The following SLC25A21 variants were observed in gnomAD, a reference collection of about 807,000 sequenced individuals.
SLC25A21 encodes the protein solute carrier family 25 member 21.
A neutral mutation model predicts 43.8 loss-of-function variants in SLC25A21; 47 were observed. The ratio of observed to expected loss-of-function variants is 1.07; its 90% CI spans 0.85 to 1.37. The LOEUF (loss-of-function observed/expected upper bound fraction) is 1.37, where lower values mean the gene tolerates loss of function less well. Ranked by LOEUF, SLC25A21 falls within the 40% of genes most tolerant of loss-of-function variation. The pLI, the probability that SLC25A21 is intolerant of heterozygous loss-of-function variation, is 0.00. For synonymous variants in SLC25A21, 131 were observed against 121.3 expected (o/e 1.08, Z -0.52); for missense variants, 352 against 350.2 (o/e 1.00, Z -0.04).
At chr14:36,710,124 C>CCT (rs1300576137) in intron 7 of SLC25A21, among the ~76,000 whole-genome samples, 1 of 152,104 alleles carries the variant, frequency 6.6e-6, no homozygotes, top group Non-Finnish European at 1.5e-5. Flanking sequence ...GTGGCTCATG[C>CCT]CTGTAATCCT....
intron 1 of SLC25A21, among the ~76,000 whole-genome samples, chr14:37,078,766 G>T (rs1317240603): frequency 6.6e-6 from 1 of 152,010 alleles, no homozygotes; most frequent in Admixed American, 6.6e-5. Flanking sequence ...CTGCCTTTAT[G>T]GTTGCTTTGA....
At chr14:37,103,097 C>A (rs1173152316) in intron 1 of SLC25A21, among the ~76,000 whole-genome samples, 2 of 152,110 alleles carry the variant, frequency 1.3e-5, no homozygotes, top group Non-Finnish European at 2.9e-5. Flanking sequence ...GAAAGCTCTT[C>A]TAGGTAAAAC....
At chr14:36,684,017 C>G in intron 8 of SLC25A21, 137 bp from the exon 9 acceptor site, 4 of 556,134 alleles carry the variant, frequency 7.2e-6, no homozygotes, top group Non-Finnish European at 9.4e-6. Context: ...CAGACAGCAT[C>G]TTAGTATTCT....
chr14:36,764,197 A>G (rs980575032), intron 3 of SLC25A21, among the ~76,000 whole-genome samples: 2 of 150,136 alleles, frequency 1.3e-5, no homozygotes, highest in Non-Finnish European at 3.0e-5. Context: ...AGAAAGAGAA[A>G]GAAAGAAACT....
intron 1 of SLC25A21, among the ~76,000 whole-genome samples, chr14:36,977,468 A>G (rs1343034579): frequency 6.6e-6 from 1 of 152,154 alleles, no homozygotes; most frequent in Non-Finnish European, 1.5e-5. Flanking sequence ...ATAATACAGA[A>G]TCTCTCTAAA....
intron 1 of SLC25A21, among the ~76,000 whole-genome samples, chr14:36,925,099 TG>T (rs1186000920): frequency 6.6e-6 from 1 of 152,106 alleles, no homozygotes; most frequent in African/African-American, 2.4e-5. Context: ...AGCAAGGAAA[TG>T]GGGTAATAAA....
chr14:36,972,269 G>T (rs564900922), intron 1 of SLC25A21, among the ~76,000 whole-genome samples: 8 of 152,248 alleles, frequency 5.3e-5, no homozygotes, highest in African/African-American at 1.9e-4. Context: ...TCTATGATGT[G>T]TGTATAAGGA....
intron 1 of SLC25A21, among the ~76,000 whole-genome samples, chr14:36,939,753 A>G (rs1313068446): frequency 6.6e-6 from 1 of 152,146 alleles, no homozygotes; most frequent in Non-Finnish European, 1.5e-5. Flanking sequence ...TAAGCTCATT[A>G]AAAGGGGATA....
chr14:37,095,779 T>C (rs1371709154), intron 1 of SLC25A21, among the ~76,000 whole-genome samples: 1 of 139,326 alleles, frequency 7.2e-6, no homozygotes, highest in Non-Finnish European at 1.5e-5. Context: ...AAAAAATGTA[T>C]ATATGTATAT....
intron 3 of SLC25A21, among the ~76,000 whole-genome samples, chr14:36,790,366 T>C (rs1887441119): frequency 6.6e-6 from 1 of 152,066 alleles, no homozygotes; most frequent in Non-Finnish European, 1.5e-5. Flanking sequence ...ACATCATCCT[T>C]ATCACTCATT....
chr14:36,813,112 A>G (rs992627726), intron 3 of SLC25A21, among the ~76,000 whole-genome samples: 2 of 152,120 alleles, frequency 1.3e-5, no homozygotes, highest in South Asian at 2.1e-4. Flanking sequence ...TCTAGCATAC[A>G]TGTGCAGAAC....
chr14:36,992,872 T>C (rs1395323848), intron 1 of SLC25A21, among the ~76,000 whole-genome samples: 1 of 152,302 alleles, frequency 6.6e-6, no homozygotes, highest in East Asian at 1.9e-4. Flanking sequence ...TAATCCCATC[T>C]CTTAGTGTGG....
chr14:36,810,229 C>T (rs1004160604), intron 3 of SLC25A21, among the ~76,000 whole-genome samples: 4 of 152,062 alleles, frequency 2.6e-5, no homozygotes, highest in Non-Finnish European at 4.4e-5. Context: ...TAGAAAAAGG[C>T]CAATTCCACT....
chr14:36,887,806 T>C (rs1890964462), intron 1 of SLC25A21, among the ~76,000 whole-genome samples: 1 of 152,174 alleles, frequency 6.6e-6, no homozygotes, highest in Non-Finnish European at 1.5e-5. Context: ...CTTCTCAGAA[T>C]TTCTTCTTTC....
chr14:36,938,789 A>T (rs1391969472), intron 1 of SLC25A21, among the ~76,000 whole-genome samples: 3 of 152,144 alleles, frequency 2.0e-5, no homozygotes. Context: ...TTTAAGGCAC[A>T]TGTATACAAA....
Position 36,680,730 on chromosome 14 carries a change from AAAG to A in SLC25A21, c.839-14_839-12del. ...GCATCACTGCACCACCTAGAAAAGA[AAAG>A]AGCTGTTTTTTATTGCAAATCCTCT... On this transcript the variant is annotated splice_polypyrimidine_tract_variant and intron_variant, in intron 9 of 9. Transcript: ENST00000331299. 1.2e-6 allele frequency: 2 copies of A among 1,609,680 alleles called. No homozygotes were observed. Among genetic ancestry groups the A allele is most frequent in the Non-Finnish European group, 1.7e-6 (2 of 1,178,776 alleles).
intron 2 of SLC25A21, among the ~76,000 whole-genome samples, chr14:36,841,746 C>G (rs112579042): frequency 2.7e-4 from 41 of 152,242 alleles, no homozygotes; most frequent in African/African-American, 9.6e-4. Context: ...AGGCCAAACA[C>G]GTGCCGTGGG....
chr14:36,907,720 A>C (rs1891574580), intron 1 of SLC25A21, among the ~76,000 whole-genome samples: 1 of 152,156 alleles, frequency 6.6e-6, no homozygotes, highest in Non-Finnish European at 1.5e-5. Flanking sequence ...GGATGATATT[A>C]CCTTAGATGC....
intron 1 of SLC25A21, among the ~76,000 whole-genome samples, chr14:36,910,280 T>C (rs1294806533): frequency 6.6e-6 from 1 of 152,188 alleles, no homozygotes; most frequent in East Asian, 1.9e-4. Flanking sequence ...TTGAATGACC[T>C]CTATTACTTA....
Sources: allele counts gnomAD v4.1 joint callset (sites outside exome capture counted in the v4.1 genomes callset), GRCh38; gene constraint gnomAD v4.1.1; transcripts MANE v1.5; gene names NCBI Gene and HGNC (gene_info 2026-07-23, HGNC 2026-07-21).